Variants in TUT4 observed in about 807,000 individuals in gnomAD.
The protein encoded by TUT4 is terminal uridylyl transferase 4, also known as terminal uridylyltransferase 4.
In TUT4, 36 loss-of-function variants were observed where a neutral mutation model predicts 192.2. That is an observed-to-expected ratio of 0.19 (90% CI 0.14 to 0.25). The LOEUF (loss-of-function observed/expected upper bound fraction) is 0.25. Ranked by LOEUF, TUT4 falls within the 10% of genes least tolerant of loss-of-function variation. The pLI is 1.00. For missense variants in TUT4, 1,493 were observed against 1,957.2 expected, an observed-to-expected ratio of 0.76 and a Z score of 4.47; for synonymous variants, 618 against 666.0, an observed-to-expected ratio of 0.93 and a Z score of 1.11.
intron 1 of TUT4, among the ~76,000 whole-genome samples, chr1:52,531,755 T>TA (rs1251435450): frequency 1.3e-5 from 2 of 152,108 alleles, no homozygotes; most frequent in Non-Finnish European, 2.9e-5. Flanking sequence ...TCCACCCTCT[T>TA]ACCCAGGGTG....
Position 52,445,788 on chromosome 1 carries a change from G to T in TUT4, c.3821C>A (p.Ala1274Asp), listed in dbSNP as rs1235529343. 1 of 1,598,506 alleles carries T rather than the reference G, an allele frequency of 6.3e-7. No homozygotes were observed. The highest frequency in any genetic ancestry group is 1.3e-5 in the African/African-American group (1 of 74,172). ...ACAATTCATATAATGTAAACTTACA[G>T]CTTCTCTGCCAATGAGTGGATAAAA... ...TPFYPLIGRE[A>D]EYFFDSRVLT... The change falls in exon 24 of 30, where the codon GCT (alanine) becomes GAT (aspartate). Residue 1274 changes from alanine to aspartate, a missense_variant and splice_region_variant. Physicochemically the swap from Ala to Asp is moderately radical, Grantham distance 126. This residue lies in a region of TUT4 where 141 missense variants were observed against 382.7 expected (regional missense o/e 0.37). Coordinates refer to ENST00000257177, the MANE Select transcript of TUT4 (RefSeq NM_001009881.3).
intron 4 of TUT4, among the ~76,000 whole-genome samples, chr1:52,504,076 T>C (rs1674870583): frequency 6.6e-6 from 1 of 152,240 alleles, no homozygotes; most frequent in Admixed American, 6.5e-5. Flanking sequence ...ACATTTTTTA[T>C]TTCTGCTAAG....
chr1:52,481,475 T>A lies in TUT4; in HGVS notation c.1796A>T (p.Lys599Met). Residue 599 changes from lysine to methionine, a missense_variant, in exon 11 of 30, where the codon AAG (lysine) becomes ATG (methionine). By Grantham distance (95) the Lys-to-Met change is moderately conservative. This residue lies in a region of TUT4 where 437 missense variants were observed against 577.6 expected (regional missense o/e 0.76). Coordinates refer to ENST00000257177, the MANE Select transcript of TUT4 (RefSeq NM_001009881.3). Reference protein sequence around the residue: ...AKADQPKDDTKKTETDNQSNA... With the variant: ...AKADQPKDDTMKTETDNQSNA... ...ACTTTGGTTGTCTGTTTCTGTCTTCTTGGTATCATCTTTTGGTTGGTCTGC... is the reference window on the plus strand; with the variant it reads ...ACTTTGGTTGTCTGTTTCTGTCTTCATGGTATCATCTTTTGGTTGGTCTGC... 1 of 1,614,072 alleles carries A rather than the reference T, an allele frequency of 6.2e-7. No individual in the cohort carries two copies. Among genetic ancestry groups the A allele is most frequent in the Non-Finnish European group, 8.5e-7 (1 of 1,179,970 alleles).
intron 1 of TUT4, among the ~76,000 whole-genome samples, chr1:52,549,878 T>C (rs1338767134): frequency 6.6e-6 from 1 of 152,126 alleles, no homozygotes; most frequent in East Asian, 1.9e-4. Flanking sequence ...CCCTTCTCTC[T>C]CCCTCAACTC....
intron 20 of TUT4, among the ~76,000 whole-genome samples, chr1:52,452,430 G>T (rs980944441): frequency 2.0e-5 from 3 of 152,154 alleles, no homozygotes; most frequent in Admixed American, 2.0e-4. Context: ...TTTAAAATGG[G>T]GGTTGGTCAC....
At chr1:52,511,885 C>G (rs1677260647) in intron 3 of TUT4, among the ~76,000 whole-genome samples, 1 of 152,044 alleles carries the variant, frequency 6.6e-6, no homozygotes, top group Non-Finnish European at 1.5e-5. Context: ...AGAATAGAAG[C>G]AGGAAAGGCT....
intron 27 of TUT4, 166 bp downstream of exon 27, chr1:52,435,199 C>G (rs956487484): frequency 4.5e-6 from 2 of 446,604 alleles, no homozygotes; most frequent in Non-Finnish European, 3.9e-6. Context: ...CTACATTATT[C>G]CAAAAGGAAT....
chr1:52,493,831 GTTTCCC>G (rs1671801378), intron 6 of TUT4, among the ~76,000 whole-genome samples, 169 bp from the exon 7 acceptor site: 1 of 151,334 alleles, frequency 6.6e-6, no homozygotes, highest in African/African-American at 2.4e-5. Flanking sequence ...TTGAGATGAG[GTTTCCC>G]TGTATTGTCC....
intron 4 of TUT4, among the ~76,000 whole-genome samples, chr1:52,505,787 T>C (rs1675373545): frequency 6.6e-6 from 1 of 152,072 alleles, no homozygotes; most frequent in Non-Finnish European, 1.5e-5. Flanking sequence ...GATAATCACA[T>C]AGTTTTCTCT....
At chr1:52,496,615 G>C (rs1672506842) in intron 5 of TUT4, among the ~76,000 whole-genome samples, 1 of 151,798 alleles carries the variant, frequency 6.6e-6, no homozygotes, top group Non-Finnish European at 1.5e-5. Flanking sequence ...TTTTCTAAAG[G>C]CCCTATTAAA....
rs1670921616 is a variant in TUT4 at position 52,490,633 on chromosome 1, G to A, written c.1388+99C>T. The A allele has an allele frequency of 5.3e-6, 5 of 941,632 alleles. No homozygotes were observed. In the South Asian group the frequency reaches 5.9e-5, roughly 11 times the overall value. 58.3% of individuals were successfully genotyped at this position (941,632 alleles called of 1,614,324 possible). Reference sequence around the variant, plus strand: ...TAGCTTAGTCATATTCATCCAAGGAGAAATCTAAAACAAAAACTTTTTCTC... The same window carrying A: ...TAGCTTAGTCATATTCATCCAAGGAAAAATCTAAAACAAAAACTTTTTCTC... On this transcript the variant is annotated intron_variant, in intron 8 of 29. Transcript: ENST00000257177.
intron 4 of TUT4, among the ~76,000 whole-genome samples, chr1:52,507,958 A>C (rs1367515848): frequency 6.6e-6 from 1 of 151,928 alleles, no homozygotes; most frequent in African/African-American, 2.4e-5. Flanking sequence ...TTACAGGCAC[A>C]TGCCACCATG....
At chr1:52,467,257 TTC>T (rs1183127764) in intron 15 of TUT4, among the ~76,000 whole-genome samples, 1 of 152,248 alleles carries the variant, frequency 6.6e-6, no homozygotes, top group Non-Finnish European at 1.5e-5. Flanking sequence ...TACAAATTCA[TTC>T]TGATTAAAGT....
At chr1:52,441,787 G>A (rs997019827) in intron 24 of TUT4, among the ~76,000 whole-genome samples, 1 of 151,982 alleles carries the variant, frequency 6.6e-6, no homozygotes, top group Non-Finnish European at 1.5e-5. Flanking sequence ...AGCTACCCAA[G>A]GACAGGCACA....
intron 2 of TUT4, among the ~76,000 whole-genome samples, chr1:52,521,254 T>C (rs1680193623): frequency 6.6e-6 from 1 of 152,188 alleles, no homozygotes; most frequent in Non-Finnish European, 1.5e-5. Flanking sequence ...CAAAATTTTA[T>C]TGAATGAATG....
At chr1:52,459,440 A>G (rs1661911731) in intron 19 of TUT4, among the ~76,000 whole-genome samples, 1 of 151,476 alleles carries the variant, frequency 6.6e-6, no homozygotes. Context: ...AATACAAAAA[A>G]TAGTTGGGCA....
chr1:52,543,320 A>T (rs1039452300), intron 1 of TUT4, among the ~76,000 whole-genome samples: 7 of 152,208 alleles, frequency 4.6e-5, no homozygotes, highest in Admixed American at 3.3e-4. Context: ...GGGAAATTTT[A>T]AAAATTCCAT....
intron 19 of TUT4, among the ~76,000 whole-genome samples, chr1:52,459,208 C>G (rs1380164724): frequency 1.3e-5 from 2 of 151,514 alleles, no homozygotes; most frequent in African/African-American, 4.9e-5. Context: ...ATGGCGTGAA[C>G]CCAGGAGGCA....
At chr1:52,519,245 A>C (rs1223905211) in intron 2 of TUT4, among the ~76,000 whole-genome samples, 1 of 152,224 alleles carries the variant, frequency 6.6e-6, no homozygotes, top group Non-Finnish European at 1.5e-5. Flanking sequence ...CTTTGAAAAA[A>C]ATATGCTAAG....
Sources: gnomAD v4.1 joint callset for allele counts (sites outside exome capture counted in the v4.1 genomes callset) on GRCh38, gnomAD v4.1.1 for gene constraint, gnomAD v4.1.1 regional missense constraint, MANE v1.5 for transcripts, NCBI Gene and HGNC (gene_info 2026-07-23, HGNC 2026-07-21) for gene names.